The following CEP63 variants were observed in gnomAD, a reference collection of about 807,000 sequenced individuals.
CEP63 encodes centrosomal protein of 63 kDa.
A neutral mutation model predicts 89.1 loss-of-function variants in CEP63; 84 were observed. That is an observed-to-expected ratio of 0.94 (90% confidence interval 0.79 to 1.13). The LOEUF (loss-of-function observed/expected upper bound fraction) is 1.13. CEP63 is among the 50% of genes most tolerant of loss of function. CEP63 has a pLI of 0.00. For synonymous variants in CEP63, 267 were observed against 272.5 expected, an observed-to-expected ratio of 0.98 and a Z score of 0.20; for missense variants, 838 against 813.3, an observed-to-expected ratio of 1.03 and a Z score of -0.37.
chr3:134,651,619 TC>T, the CEP63 span: 2 of 986,678 alleles, frequency 2.0e-6, no homozygotes, highest in African/African-American at 1.8e-5. Context: ...AGTCAGGAGC[TC>T]CCCCCAGTTA....
rs544622799 is a variant in CEP63 at position 134,515,680 on chromosome 3, A to G, written c.222+8394A>G. ...CCTGATTTCCTTTTAGCTATTAAAT[A>G]TAGGTCCTTATGCGCTGCCAACATC... On this transcript the variant is annotated intron_variant, in intron 3 of 14. Coordinates refer to ENST00000675561, the MANE Select transcript of CEP63 (RefSeq NM_001353108.3). Among the ~76,000 whole-genome samples, 6 of 152,206 alleles carry G rather than the reference A, an allele frequency of 3.9e-5. No homozygotes were observed. In the East Asian group the frequency reaches 9.6e-4, roughly 24 times the overall value.
chr3:134,727,500 A>G, the CEP63 span, among the ~76,000 whole-genome samples: 25 of 152,200 alleles, frequency 1.6e-4, no homozygotes, highest in Non-Finnish European at 2.6e-4. Context: ...AATTTTACCA[A>G]TAACCACGGA....
At chr3:134,524,936 G>T (rs1422983452) in intron 3 of CEP63, among the ~76,000 whole-genome samples, 4 of 152,112 alleles carry the variant, frequency 2.6e-5, no homozygotes, top group African/African-American at 4.8e-5. Context: ...CAATTTTTTG[G>T]AATAGTTTTA....
chr3:134,611,397 G>A, the CEP63 span, among the ~76,000 whole-genome samples: 1 of 152,192 alleles, frequency 6.6e-6, no homozygotes, highest in African/African-American at 2.4e-5. Context: ...ATGGCCAGCT[G>A]GTCTTGCTCC....
chr3:134,761,082 A>C, the CEP63 span, among the ~76,000 whole-genome samples: 1 of 152,076 alleles, frequency 6.6e-6, no homozygotes, highest in African/African-American at 2.4e-5. Flanking sequence ...CTAGGACAAA[A>C]CCACTTCAGC....
At chr3:134,638,818 C>T in the CEP63 span, among the ~76,000 whole-genome samples, 2 of 152,200 alleles carry the variant, frequency 1.3e-5, no homozygotes, top group Admixed American at 6.5e-5. Context: ...GAACACCTAA[C>T]GCAGTATGGC....
At chr3:134,611,825 C>G in the CEP63 span, among the ~76,000 whole-genome samples, 2 of 152,208 alleles carry the variant, frequency 1.3e-5, no homozygotes, top group African/African-American at 4.8e-5. Flanking sequence ...CGGAGCCTCC[C>G]AGGGGAATGG....
intron 6 of CEP63, 150 bp downstream of exon 6, chr3:134,537,418 C>A: frequency 1.5e-6 from 1 of 662,744 alleles, no homozygotes; most frequent in Non-Finnish European, 2.8e-6. Context: ...TCCTCAGCAT[C>A]TAGACTCAGC....
At chr3:134,631,823 A>T in the CEP63 span, among the ~76,000 whole-genome samples, 4 of 152,140 alleles carry the variant, frequency 2.6e-5, no homozygotes, top group Admixed American at 6.5e-5. Context: ...AGAAAACCTA[A>T]ATACAAATGT....
the CEP63 span, among the ~76,000 whole-genome samples, chr3:134,656,303 A>C: frequency 3.9e-5 from 6 of 152,300 alleles, no homozygotes; most frequent in African/African-American, 1.4e-4. Flanking sequence ...GGAAGGAGTG[A>C]TGGAGGTGAA....
At chr3:134,590,436 T>C (rs1248473669), downstream of CEP63, among the ~76,000 whole-genome samples, 1 of 152,176 alleles carries the variant, frequency 6.6e-6, no homozygotes, top group African/African-American at 2.4e-5. Context: ...ATTTATATCA[T>C]TTACCACATT....
the CEP63 span, chr3:134,601,184 A>C: frequency 1.3e-5 from 2 of 152,210 alleles, no homozygotes; most frequent in Non-Finnish European, 2.9e-5. Context: ...TTTTTACTTC[A>C]GTGGAAAGAA....
At chr3:134,707,254 A>C in the CEP63 span, among the ~76,000 whole-genome samples, 7 of 152,190 alleles carry the variant, frequency 4.6e-5, no homozygotes, top group African/African-American at 7.2e-5. Flanking sequence ...CAACTACAGA[A>C]CTGCATGTTA....
At chr3:134,613,966 T>C in the CEP63 span, among the ~76,000 whole-genome samples, 2 of 152,184 alleles carry the variant, frequency 1.3e-5, no homozygotes, top group East Asian at 3.8e-4. Context: ...TGCTATAACA[T>C]GACATGGCAC....
upstream of CEP63, chr3:134,485,955 C>CA: frequency 1.0e-6 from 1 of 982,124 alleles, no homozygotes; most frequent in Non-Finnish European, 1.2e-6. Flanking sequence ...CCCTTACCGG[C>CA]ACCCGGCCAC....
chr3:134,485,991 G>GGCCCCCCCCC, upstream of CEP63: 4 of 938,158 alleles, frequency 4.3e-6, no homozygotes, highest in Non-Finnish European at 5.1e-6. Flanking sequence ...CTCCTGCCAC[G>GGCCCCCCCCC]CCCCCCCCCC....
At chr3:134,646,413 C>T in the CEP63 span, among the ~76,000 whole-genome samples, 1 of 152,096 alleles carries the variant, frequency 6.6e-6, no homozygotes, top group Non-Finnish European at 1.5e-5. Flanking sequence ...TGTTGAGACT[C>T]CCCTGCAGTG....
At chr3:134,507,022 T>A (rs1943630230) in intron 2 of CEP63, 87 bp from the exon 3 acceptor site, 2 of 933,394 alleles carry the variant, frequency 2.1e-6, no homozygotes, top group African/African-American at 3.3e-5. Flanking sequence ...TCAGGTAGAT[T>A]TACATCTGCT....
chr3:134,686,950 C>T, the CEP63 span, among the ~76,000 whole-genome samples: 1 of 152,178 alleles, frequency 6.6e-6, no homozygotes, highest in African/African-American at 2.4e-5. Flanking sequence ...AAACTCCCTC[C>T]TCCATGCAGA....
Sources: allele counts gnomAD v4.1 joint callset (sites outside exome capture counted in the v4.1 genomes callset), GRCh38; gene constraint gnomAD v4.1.1; transcripts MANE v1.5; gene names NCBI Gene and HGNC (gene_info 2026-07-23, HGNC 2026-07-21).